Variants in BLTP1 observed in about 807,000 individuals in gnomAD.
The protein encoded by BLTP1 is fragile site-associated protein.
chr4:122,230,288 C>A, the BLTP1 span: 1 of 1,207,930 alleles, frequency 8.3e-7, no homozygotes, highest in Non-Finnish European at 1.2e-6. Context: ...GGAAATTCTA[C>A]TGAGAGAATG....
At chr4:122,219,842 G>A in the BLTP1 span, among the ~76,000 whole-genome samples, 4 of 152,020 alleles carry the variant, frequency 2.6e-5, no homozygotes, top group Non-Finnish European at 5.9e-5. Context: ...GAGTTGTTGG[G>A]TTTATAATTA....
At chr4:122,181,020 A>T in the BLTP1 span, among the ~76,000 whole-genome samples, 1 of 152,202 alleles carries the variant, frequency 6.6e-6, no homozygotes, top group Non-Finnish European at 1.5e-5. Flanking sequence ...ATTTATTCAG[A>T]TCCATATTCA....
At chr4:122,255,085 C>T in the BLTP1 span, 5 of 1,562,088 alleles carry the variant, frequency 3.2e-6, no homozygotes, top group Non-Finnish European at 4.4e-6. Flanking sequence ...TTTGTAGGCT[C>T]TTTCATACCT....
the BLTP1 span, chr4:122,227,166 C>T: frequency 1.0e-6 from 1 of 1,003,516 alleles, no homozygotes; most frequent in Non-Finnish European, 1.2e-6. Flanking sequence ...GAAATTGAAG[C>T]AAAGAGAAGG....
the BLTP1 span, among the ~76,000 whole-genome samples, chr4:122,359,005 A>G: frequency 4.3e-4 from 65 of 152,074 alleles, no homozygotes; most frequent in Non-Finnish European, 8.7e-4. Flanking sequence ...AGCCATTAGC[A>G]TACAAAAACC....
At chr4:122,252,926 C>T in the BLTP1 span, among the ~76,000 whole-genome samples, 3 of 152,200 alleles carry the variant, frequency 2.0e-5, no homozygotes, top group Admixed American at 1.3e-4. Context: ...TGTGTCACTG[C>T]ACCAGCTCCA....
chr4:122,313,531 A>G, the BLTP1 span: 1 of 843,226 alleles, frequency 1.2e-6, no homozygotes, highest in South Asian at 3.0e-5. Context: ...TCCTCTTTGT[A>G]TTTAGACAAT....
chr4:122,157,910 G>A, the BLTP1 span, among the ~76,000 whole-genome samples: 637 of 152,228 alleles, frequency 4.2e-3, 2 homozygotes, highest in African/African-American at 0.014. Flanking sequence ...TATGATGAGA[G>A]TGTTGGTAAA....
the BLTP1 span, chr4:122,276,266 G>A: frequency 2.6e-6 from 1 of 378,204 alleles, no homozygotes; most frequent in African/African-American, 2.1e-5. Flanking sequence ...GTAGTTGTGT[G>A]TTGCTTGTGC....
At chr4:122,187,709 T>C in the BLTP1 span, 4 of 453,702 alleles carry the variant, frequency 8.8e-6, no homozygotes, top group Non-Finnish European at 1.2e-5. Context: ...TTTCTTTAAG[T>C]ACTTAAATTT....
the BLTP1 span, chr4:122,350,049 C>A: frequency 3.1e-6 from 5 of 1,613,642 alleles, no homozygotes; most frequent in Non-Finnish European, 4.2e-6. Context: ...TGACTAGCAA[C>A]CTAGAAAAAA....
the BLTP1 span, chr4:122,229,254 T>G: frequency 6.3e-7 from 1 of 1,588,490 alleles, no homozygotes; most frequent in African/African-American, 1.4e-5. Context: ...AGTGTTTTGC[T>G]TGGCTGGTGT....
the BLTP1 span, chr4:122,210,828 A>G: frequency 1.9e-6 from 3 of 1,575,676 alleles, no homozygotes. Context: ...AGATCTTCCA[A>G]GAAGTCTTTT....
At chr4:122,169,697 A>C in the BLTP1 span, 1 of 978,860 alleles carries the variant, frequency 1.0e-6, no homozygotes, top group Non-Finnish European at 1.2e-6. Flanking sequence ...CTATATACAT[A>C]CATATGTATA....
At chr4:122,166,870 CT>C in the BLTP1 span, among the ~76,000 whole-genome samples, 1 of 152,180 alleles carries the variant, frequency 6.6e-6, no homozygotes. Context: ...ATTTGGCTCT[CT>C]ATCATTCATT....
the BLTP1 span, chr4:122,246,545 C>T: frequency 9.0e-7 from 1 of 1,106,222 alleles, no homozygotes; most frequent in Non-Finnish European, 1.3e-6. Flanking sequence ...TTATGAGAAT[C>T]TGTATTCATA....
chr4:122,312,913 A>C, the BLTP1 span: 13 of 875,354 alleles, frequency 1.5e-5, no homozygotes, highest in Non-Finnish European at 1.8e-5. Flanking sequence ...AGTTTCTTCT[A>C]AGGATGACTG....
At chr4:122,245,070 T>C in the BLTP1 span, 3 of 1,612,510 alleles carry the variant, frequency 1.9e-6, no homozygotes, top group Non-Finnish European at 2.5e-6. Context: ...CCAGCTGCAA[T>C]TGTAGATGAT....
chr4:122,225,693 A>G, the BLTP1 span: 1 of 152,198 alleles, frequency 6.6e-6, no homozygotes, highest in Non-Finnish European at 1.5e-5. Flanking sequence ...AGAATGTATA[A>G]TGATATTTAT....
Sources: gnomAD v4.1 joint callset for allele counts (sites outside exome capture counted in the v4.1 genomes callset) on GRCh38, gnomAD v4.1.1 for gene constraint, MANE v1.5 for transcripts, NCBI Gene and HGNC (gene_info 2026-07-23, HGNC 2026-07-21) for gene names.